Variants in NUDCD1 observed in about 807,000 individuals in gnomAD.
The protein encoded by NUDCD1 is nudC domain-containing protein 1.
A neutral mutation model predicts 67.8 loss-of-function variants in NUDCD1; 60 were observed. The observed-to-expected ratio is 0.88, with a 90% CI of 0.72 to 1.10. NUDCD1 has a LOEUF of 1.10. Ranked by LOEUF, NUDCD1 falls within the 50% of genes least tolerant of loss-of-function variation. NUDCD1 has a pLI of 0.00. For synonymous variants in NUDCD1, 244 were observed against 230.8 expected, an observed-to-expected ratio of 1.06 and a Z score of -0.52; for missense variants, 643 against 695.0, an observed-to-expected ratio of 0.93 and a Z score of 0.84.
At chr8:109,250,138 G>T (rs557664479) in intron 8 of NUDCD1, among the ~76,000 whole-genome samples, 49 of 152,168 alleles carry the variant, frequency 3.2e-4, no homozygotes, top group African/African-American at 1.2e-3. Context: ...AGCCACTGGT[G>T]CCTGGCAAGA....
At chr8:109,283,792 G>A (rs1814509690) in intron 5 of NUDCD1, among the ~76,000 whole-genome samples, 1 of 151,966 alleles carries the variant, frequency 6.6e-6, no homozygotes, top group Non-Finnish European at 1.5e-5. Context: ...TCTAAACAGG[G>A]AAACAAAAGA....
chr8:109,289,579 A>C (rs1325730783), intron 5 of NUDCD1, among the ~76,000 whole-genome samples, 172 bp downstream of exon 5: 1 of 152,202 alleles, frequency 6.6e-6, no homozygotes, highest in Non-Finnish European at 1.5e-5. Flanking sequence ...GTTCATTCAC[A>C]CTATTAAGGT....
intron 7 of NUDCD1, among the ~76,000 whole-genome samples, chr8:109,271,949 A>AATAACT (rs1459140596): frequency 6.6e-6 from 1 of 152,114 alleles, no homozygotes; most frequent in East Asian, 1.9e-4. Context: ...ACATAACAAA[A>AATAACT]ATAACTTTGG....
chr8:109,259,068 C>T (rs1320353322), intron 8 of NUDCD1, among the ~76,000 whole-genome samples: 1 of 152,220 alleles, frequency 6.6e-6, no homozygotes, highest in Non-Finnish European at 1.5e-5. Context: ...TTCTGCATAT[C>T]TTTGAAGCAG....
At chr8:109,313,904 A>C in intron 2 of NUDCD1, 4 of 659,142 alleles carry the variant, frequency 6.1e-6, no homozygotes, top group Middle Eastern at 2.9e-4. Flanking sequence ...TGTGAAAACA[A>C]AATTAAATTA....
chr8:109,328,279 A>C (rs1249124581), intron 1 of NUDCD1, among the ~76,000 whole-genome samples: 3 of 152,190 alleles, frequency 2.0e-5, no homozygotes, highest in Admixed American at 6.5e-5. Context: ...CCCTCCCTTT[A>C]ACTGTAGTGT....
rs1488393634 is a variant in NUDCD1 at position 109,293,499 on chromosome 8, T to C, written c.485A>G (p.Asp162Gly). 6.4e-7 allele frequency: 1 copy of C among 1,552,902 alleles called. No individual in the cohort carries two copies. Among genetic ancestry groups the C allele is most frequent in the Admixed American group, 2.1e-5 (1 of 47,006 alleles). Residue 162 changes from aspartate (D) to glycine (G), a missense_variant, in exon 4 of 10, where the codon GAT (aspartate) becomes GGT (glycine). Physicochemically the swap from Asp to Gly is moderately conservative, Grantham distance 94. Transcript: ENST00000239690. ...WEIMFNEELG[D>G]PFIIIHSISL... ...GATACTGTGAATTATAATAAAAGGA[T>C]CCCCAAGTTCTTCATTAAACATAAT...
chr8:109,300,011 T>C (rs1205737472), intron 2 of NUDCD1, among the ~76,000 whole-genome samples: 1 of 152,042 alleles, frequency 6.6e-6, no homozygotes, highest in Non-Finnish European at 1.5e-5. Context: ...TAACAATCAC[T>C]ACAGCTCGGC....
chr8:109,247,768 A>G (rs1813531840), intron 8 of NUDCD1, among the ~76,000 whole-genome samples: 1 of 152,176 alleles, frequency 6.6e-6, no homozygotes, highest in Admixed American at 6.6e-5. Flanking sequence ...TCTCGTGGTT[A>G]TATGAGCTGC....
chr8:109,292,589 G>A (rs1228148980), intron 4 of NUDCD1, among the ~76,000 whole-genome samples: 1 of 152,020 alleles, frequency 6.6e-6, no homozygotes, highest in African/African-American at 2.4e-5. Flanking sequence ...AAATGAGTCA[G>A]CTAATAAAAA....
At position 109,261,235 on chromosome 8, in the gene NUDCD1, T is replaced by A. The variant is rs1046641289; in HGVS notation, c.1299+9770A>T. Among the ~76,000 whole-genome samples, 3 of 152,144 alleles carry A rather than the reference T, an allele frequency of 2.0e-5. No homozygotes were observed. In the East Asian group the frequency reaches 5.8e-4, roughly 29 times the overall value. On this transcript the variant is annotated intron_variant, in intron 8 of 9. Coordinates refer to ENST00000239690, the MANE Select transcript of NUDCD1 (RefSeq NM_032869.4). ...AATTTTTAAAACAGTAGGCTACAAA[T>A]TGAACCTACAGTATTGTTATAGACA... is the stretch of plus-strand genomic sequence containing the variant.
chr8:109,290,078 A>G (rs1814675294), intron 4 of NUDCD1, 145 bp from the exon 5 acceptor site: 3 of 444,128 alleles, frequency 6.8e-6, no homozygotes, highest in Non-Finnish European at 1.2e-5. Flanking sequence ...TTTCATAAGG[A>G]TAAACAATTT....
At chr8:109,286,020 CA>C (rs1395863006) in intron 5 of NUDCD1, among the ~76,000 whole-genome samples, 6 of 151,760 alleles carry the variant, frequency 4.0e-5, no homozygotes, top group Non-Finnish European at 7.4e-5. Context: ...AGCTGAGAGC[CA>C]AATCAAGAAC....
At chr8:109,275,579 ATCTTC>A in intron 6 of NUDCD1, 83 bp from the exon 7 acceptor site, 8 of 1,317,204 alleles carry the variant, frequency 6.1e-6, no homozygotes, top group Non-Finnish European at 8.4e-6. Context: ...GTTTGTTTCT[ATCTTC>A]TATAGAAAGA....
rs994587204 is a variant in NUDCD1 at position 109,310,425 on chromosome 8, G to A, written c.273+11884C>T. ...GATAATTGGCCAGCCACATGTAGGA[G>A]AATGAAACAGGATCTTCATTTCTCA... On this transcript the variant is annotated intron_variant, in intron 2 of 9. Coordinates refer to ENST00000239690, the MANE Select transcript of NUDCD1 (RefSeq NM_032869.4). Among the ~76,000 whole-genome samples, 15 of 152,340 alleles carry A rather than the reference G, an allele frequency of 9.8e-5. No individual in the cohort carries two copies. In the East Asian group the frequency reaches 2.5e-3, roughly 25 times the overall value.
chr8:109,259,984 A>G (rs1813828015), intron 8 of NUDCD1, among the ~76,000 whole-genome samples: 1 of 152,208 alleles, frequency 6.6e-6, no homozygotes. Context: ...AGGACACAAT[A>G]AAAATATCAA....
intron 2 of NUDCD1, among the ~76,000 whole-genome samples, chr8:109,312,005 T>C (rs1385320227): frequency 3.9e-5 from 6 of 151,928 alleles, no homozygotes; most frequent in African/African-American, 1.4e-4. Flanking sequence ...GGGACAACTA[T>C]AGTTTAAAAA....
chr8:109,304,791 T>C (rs1815066006), intron 2 of NUDCD1, among the ~76,000 whole-genome samples: 1 of 152,178 alleles, frequency 6.6e-6, no homozygotes, highest in African/African-American at 2.4e-5. Context: ...GCTGATAATG[T>C]AGCTAAAGAA....
rs992298695 is a variant in NUDCD1 at position 109,281,620 on chromosome 8, G to A, written c.824-448C>T. Among the ~76,000 whole-genome samples, 7 of 152,202 alleles carry A rather than the reference G, an allele frequency of 4.6e-5. No individual in the cohort carries two copies. The East Asian group carries it at 1.3e-3, about 29-fold the overall frequency. On this transcript the variant is annotated intron_variant, in intron 5 of 9. Transcript: ENST00000239690. The stretch of plus-strand genomic sequence containing the variant: ...AGCTTCTGCCAGATAATGGGAATGG[G>A]AGGATGTGCAAAATCACATGCACTT...
Sources: gnomAD v4.1 joint callset for allele counts (sites outside exome capture counted in the v4.1 genomes callset) on GRCh38, gnomAD v4.1.1 for gene constraint, MANE v1.5 for transcripts, NCBI Gene and HGNC (gene_info 2026-07-23, HGNC 2026-07-21) for gene names.